TMEM220: variants seen among roughly 807,000 people sequenced by gnomAD.
TMEM220 encodes transmembrane protein 220.
In TMEM220, 21 loss-of-function variants were observed where a neutral mutation model predicts 21.7. The ratio of observed to expected loss-of-function variants is 0.97; its 90% CI spans 0.69 to 1.39. The LOEUF (loss-of-function observed/expected upper bound fraction) is 1.39, where lower values mean the gene tolerates loss of function less well. Among genes scored for constraint, TMEM220 ranks in the 40% most tolerant of loss-of-function variants. The probability of loss-of-function intolerance (pLI) is 0.00; values close to 1 mark genes in which losing one functional copy is unlikely to be tolerated. For missense variants in TMEM220, 191 were observed against 201.9 expected (o/e 0.95, Z 0.33); for synonymous variants, 80 against 73.6 (o/e 1.09, Z -0.45).
intron 5 of TMEM220, chr17:10,715,861 T>C: frequency 5.7e-6 from 2 of 349,764 alleles, no homozygotes; most frequent in Non-Finnish European, 1.0e-5. Context: ...GATCTTTTCC[T>C]AATGATTTTT....
chr17:10,725,597 G>T (rs1342446703), intron 3 of TMEM220, among the ~76,000 whole-genome samples: 1 of 152,192 alleles, frequency 6.6e-6, no homozygotes, highest in Non-Finnish European at 1.5e-5. Context: ...GTGAATGGGG[G>T]GCTGCAGGGC....
intron 5 of TMEM220, among the ~76,000 whole-genome samples, chr17:10,722,000 T>C (rs1314998925): frequency 2.0e-5 from 3 of 150,374 alleles, no homozygotes; most frequent in East Asian, 2.0e-4. Context: ...TCTTTCTTTT[T>C]TTTTTTTTTT....
intron 5 of TMEM220, among the ~76,000 whole-genome samples, chr17:10,719,980 G>T (rs1436907654): frequency 6.6e-6 from 1 of 152,112 alleles, no homozygotes; most frequent in East Asian, 1.9e-4. Context: ...GCTCACTTTT[G>T]CTCTTAATAA....
chr17:10,720,806 A>G (rs977761387), intron 5 of TMEM220, among the ~76,000 whole-genome samples: 33 of 152,226 alleles, frequency 2.2e-4, no homozygotes, highest in Non-Finnish European at 1.0e-4. Flanking sequence ...AAAACAAACA[A>G]GAGAACCTGT....
At chr17:10,724,523 T>G (rs1354058374) in intron 4 of TMEM220, 2 of 152,384 alleles carry the variant, frequency 1.3e-5, no homozygotes, top group Non-Finnish European at 2.9e-5. Context: ...GAAGTTGTAG[T>G]GAGCAGAGAT....
intron 4 of TMEM220, among the ~76,000 whole-genome samples, chr17:10,723,575 G>A (rs977005930): frequency 3.9e-5 from 6 of 152,146 alleles, no homozygotes; most frequent in Non-Finnish European, 7.3e-5. Context: ...CCCTGACTAT[G>A]CCCTGATTTA....
intron 4 of TMEM220, among the ~76,000 whole-genome samples, chr17:10,724,227 T>G (rs1452229880): frequency 6.6e-6 from 1 of 152,120 alleles, no homozygotes; most frequent in East Asian, 1.9e-4. Flanking sequence ...TAGGAGCAAG[T>G]GGTCATGACA....
chr17:10,728,277 ACTTTT>A (rs1399893674), intron 2 of TMEM220, among the ~76,000 whole-genome samples: 2 of 148,852 alleles, frequency 1.3e-5, no homozygotes, highest in East Asian at 3.9e-4. Context: ...AGGATTTAAT[ACTTTT>A]CTTTGCTTTT....
chr17:10,719,623 G>C (rs1286700448), intron 5 of TMEM220, among the ~76,000 whole-genome samples: 1 of 152,136 alleles, frequency 6.6e-6, no homozygotes. Flanking sequence ...GAACCATACA[G>C]GTATTAGAAG....
intron 5 of TMEM220, 132 bp from the exon 6 acceptor site, chr17:10,715,720 CAT>C (rs141054006): frequency 0.16 from 91,586 of 587,040 alleles, 7,891 homozygotes; most frequent in Admixed American, 0.26. Flanking sequence ...TGAAATATAA[CAT>C]TGATTTATAG....
At chr17:10,717,009 A>G (rs147373290) in intron 5 of TMEM220, among the ~76,000 whole-genome samples, 524 of 152,356 alleles carry the variant, frequency 3.4e-3, no homozygotes, top group African/African-American at 0.012. Context: ...CTGACAGAAA[A>G]GCAGTTAACT....
downstream of TMEM220, among the ~76,000 whole-genome samples, chr17:10,712,027 C>T (rs1354623141): frequency 6.6e-6 from 1 of 152,190 alleles, no homozygotes; most frequent in South Asian, 2.1e-4. Flanking sequence ...TTCCCACAAA[C>T]CTGGCGACTT....
intron 2 of TMEM220, among the ~76,000 whole-genome samples, chr17:10,727,126 G>A (rs2075057700): frequency 6.6e-6 from 1 of 152,102 alleles, no homozygotes. Flanking sequence ...ATGAATGAAA[G>A]GTAAAATGTG....
At chr17:10,725,194 T>A (rs2075036029) in intron 3 of TMEM220, 60 bp from the exon 4 acceptor site, 13 of 1,588,336 alleles carry the variant, frequency 8.2e-6, no homozygotes, top group South Asian at 1.1e-5. Flanking sequence ...AAAAAAAAAA[T>A]GATCTTTTTG....
At chr17:10,728,032 T>C (rs1463865061) in intron 2 of TMEM220, among the ~76,000 whole-genome samples, 2 of 152,052 alleles carry the variant, frequency 1.3e-5, no homozygotes, top group African/African-American at 2.4e-5. Flanking sequence ...TGGTGGCGCA[T>C]GCCTGTAATC....
chr17:10,728,982 T>C, intron 2 of TMEM220, 49 bp downstream of exon 2: 2 of 1,604,126 alleles, frequency 1.2e-6, no homozygotes, highest in East Asian at 2.2e-5. Context: ...TTTGTGCCGT[T>C]CCCCAATTCT....
At chr17:10,713,193 C>T (rs1415293398), downstream of TMEM220, 1 of 150,944 alleles carries the variant, frequency 6.6e-6, no homozygotes. Context: ...ATCACTTGAA[C>T]CCAGGAGGTG....
At chr17:10,716,662 CT>C (rs1028417241) in intron 5 of TMEM220, among the ~76,000 whole-genome samples, 1 of 152,124 alleles carries the variant, frequency 6.6e-6, no homozygotes, top group Non-Finnish European at 1.5e-5. Flanking sequence ...GGTTGTTTCA[CT>C]TTTTTCCAAA....
At chr17:10,723,768 GTA>G (rs2075019422) in intron 4 of TMEM220, among the ~76,000 whole-genome samples, 2 of 112,510 alleles carry the variant, frequency 1.8e-5, no homozygotes, top group African/African-American at 4.1e-5. Context: ...CATGATCTGT[GTA>G]TATACTACAA....
Sources: gnomAD v4.1 joint callset for allele counts (sites outside exome capture counted in the v4.1 genomes callset) on GRCh38, gnomAD v4.1.1 for gene constraint, MANE v1.5 for transcripts, NCBI Gene and HGNC (gene_info 2026-07-23, HGNC 2026-07-21) for gene names.